The following SIAH3 variants were observed in gnomAD, a reference collection of about 807,000 sequenced individuals.
SIAH3 encodes siah E3 ubiquitin protein ligase family member 3, also known as seven in absentia homolog 3.
SIAH3 carries 9 observed loss-of-function variants against 12.6 expected under a neutral mutation model. That is an observed-to-expected ratio of 0.72 (90% CI 0.43 to 1.25). The LOEUF is 1.25. Among genes scored for constraint, SIAH3 ranks in the 50% most tolerant of loss-of-function variants. SIAH3 has a pLI of 0.00. For synonymous variants in SIAH3, 154 were observed against 151.1 expected, an observed-to-expected ratio of 1.02 and a Z score of -0.14; for missense variants, 390 against 365.4, an observed-to-expected ratio of 1.07 and a Z score of -0.55.
At chr13:45,796,478 A>C (rs1950563138) in intron 1 of SIAH3, among the ~76,000 whole-genome samples, 1 of 152,190 alleles carries the variant, frequency 6.6e-6, no homozygotes, top group African/African-American at 2.4e-5. Flanking sequence ...GATGAGAGTC[A>C]GATCAGGGAC....
chr13:45,820,618 G>A (rs1254096377), intron 1 of SIAH3, among the ~76,000 whole-genome samples: 1 of 152,172 alleles, frequency 6.6e-6, no homozygotes, highest in East Asian at 1.9e-4. Flanking sequence ...CTATTGAACA[G>A]CAGCATTCCC....
In SIAH3 at chr13:45,777,562, A is replaced by G. The variant is rs1245337389; in HGVS notation, c.*5821T>C. The G allele has an allele frequency of 6.6e-6, 1 of 152,126 alleles. No individual in the cohort carries two copies. Among genetic ancestry groups the G allele is most frequent in the Non-Finnish European group, 1.5e-5 (1 of 68,014 alleles). 9.4% of individuals were successfully genotyped at this position (152,126 alleles called of 1,614,324 possible). ...TGATGACCTGATTTGGGGGGAAATT[A>G]ATGTTTATCTACACTAGATCTCTCA... On this transcript the variant is annotated 3_prime_UTR_variant, in exon 2 of 2. Transcript: ENST00000400405.
chr13:45,833,495 A>G (rs558459125), intron 1 of SIAH3, among the ~76,000 whole-genome samples: 4 of 151,636 alleles, frequency 2.6e-5, no homozygotes, highest in East Asian at 1.9e-4. Context: ...ACACACACGC[A>G]CACACACACA....
intron 1 of SIAH3, among the ~76,000 whole-genome samples, chr13:45,817,411 C>A (rs1019815875): frequency 6.6e-6 from 1 of 152,160 alleles, no homozygotes; most frequent in Non-Finnish European, 1.5e-5. Flanking sequence ...ATGAAATTGC[C>A]TACTGATGCA....
intron 1 of SIAH3, among the ~76,000 whole-genome samples, chr13:45,788,497 G>A (rs141549468): frequency 6.6e-6 from 1 of 152,160 alleles, no homozygotes; most frequent in African/African-American, 2.4e-5. Context: ...AGAATAATGC[G>A]CAAAATTGGG....
intron 1 of SIAH3, among the ~76,000 whole-genome samples, chr13:45,791,999 C>T (rs1950547072): frequency 6.6e-6 from 1 of 152,188 alleles, no homozygotes; most frequent in African/African-American, 2.4e-5. Flanking sequence ...GCTGTCCCTA[C>T]CCATGAGATG....
At chr13:45,840,889 C>T (rs893762776) in intron 1 of SIAH3, among the ~76,000 whole-genome samples, 1 of 152,176 alleles carries the variant, frequency 6.6e-6, no homozygotes, top group African/African-American at 2.4e-5. Context: ...AGCTGGGTGA[C>T]ATTGAGTAAG....
At chr13:45,804,963 A>AAC (rs56315825) in intron 1 of SIAH3, among the ~76,000 whole-genome samples, 10,924 of 135,794 alleles carry the variant, frequency 0.08, 501 homozygotes, top group East Asian at 0.19. Flanking sequence ...TCCCATTTAT[A>AAC]ACACACACAC....
intron 1 of SIAH3, among the ~76,000 whole-genome samples, chr13:45,806,197 C>T (rs181291542): frequency 6.6e-6 from 1 of 152,198 alleles, no homozygotes; most frequent in Non-Finnish European, 1.5e-5. Context: ...ACCATTTGAC[C>T]CAGCAATTCC....
chr13:45,797,944 A>G (rs993937519), intron 1 of SIAH3, among the ~76,000 whole-genome samples: 12 of 152,166 alleles, frequency 7.9e-5, no homozygotes, highest in Non-Finnish European at 1.8e-4. Flanking sequence ...GGGCTGCCCT[A>G]TTCCAGGGAG....
At chr13:45,795,744 A>T (rs2117781) in intron 1 of SIAH3, among the ~76,000 whole-genome samples, 3 of 151,930 alleles carry the variant, frequency 2.0e-5, no homozygotes, top group Non-Finnish European at 4.4e-5. Flanking sequence ...ATACCTGACA[A>T]ATATGAGCAT....
In SIAH3 at chr13:45,783,288, A is replaced by T; in HGVS notation, c.*95T>A. 3 of 793,542 alleles carry T rather than the reference A, an allele frequency of 3.8e-6. No homozygotes were observed. The highest frequency in any genetic ancestry group is 3.6e-6 in the Non-Finnish European group (2 of 550,264). The allele number at this position is 793,542 out of a possible 1,614,324, so 49.2% of individuals were successfully genotyped here. On this transcript the variant is annotated 3_prime_UTR_variant, in exon 2 of 2. Coordinates refer to ENST00000400405, the MANE Select transcript of SIAH3 (RefSeq NM_198849.3). ...TAAAAATTAAAAAAAAAAAAAAGAA[A>T]GGAGAAGAATAAAAAGGAGTCTGGA...
At chr13:45,801,621 T>C (rs563888508) in intron 1 of SIAH3, among the ~76,000 whole-genome samples, 1 of 152,334 alleles carries the variant, frequency 6.6e-6, no homozygotes, top group South Asian at 2.1e-4. Context: ...GTATACAGCC[T>C]TTCACACAGC....
At chr13:45,816,035 T>C (rs1385371573) in intron 1 of SIAH3, among the ~76,000 whole-genome samples, 1 of 152,062 alleles carries the variant, frequency 6.6e-6, no homozygotes, top group Non-Finnish European at 1.5e-5. Context: ...ATTCTAGAGG[T>C]GAGGAAACCG....
In SIAH3 at chr13:45,783,735, G is replaced by A. The variant is rs764881352; in HGVS notation, c.458C>T (p.Pro153Leu). ...FLATDMHLPA[P>L]ADWIIMHSCL... ...GGAGTGCATGATGATCCAATCAGCC[G>A]GCGCGGGGAGGTGCATGTCCGTGGC... The change falls in exon 2 of 2, where the codon CCG (proline) becomes CTG (leucine). Residue 153 changes from proline to leucine, a missense_variant. Coordinates refer to ENST00000400405, the MANE Select transcript of SIAH3 (RefSeq NM_198849.3). 6.2e-6 allele frequency: 10 copies of A among 1,614,076 alleles called. No individual in the cohort carries two copies. The highest frequency in any genetic ancestry group is 1.1e-5 in the South Asian group (1 of 91,094).
intron 1 of SIAH3, among the ~76,000 whole-genome samples, chr13:45,818,534 C>T (rs1428030453): frequency 4.6e-5 from 7 of 152,184 alleles, no homozygotes; most frequent in African/African-American, 1.2e-4. Context: ...AGCAGAACTG[C>T]GCTCCCTCCG....
intron 1 of SIAH3, among the ~76,000 whole-genome samples, chr13:45,851,116 T>C (rs763591472): frequency 6.7e-6 from 1 of 149,858 alleles, no homozygotes; most frequent in Non-Finnish European, 1.5e-5. Context: ...CAGAGAGAAT[T>C]TGGCTAACTT....
intron 1 of SIAH3, among the ~76,000 whole-genome samples, chr13:45,844,269 TGTGA>T (rs1281788383): frequency 1.3e-5 from 2 of 152,184 alleles, no homozygotes; most frequent in Non-Finnish European, 2.9e-5. Context: ...GAGGTTAGTG[TGTGA>T]GTATGAGTGG....
Position 45,778,019 on chromosome 13 carries a change from G to C in SIAH3, c.*5364C>G, listed in dbSNP as rs961740163. On this transcript the variant is annotated 3_prime_UTR_variant, in exon 2 of 2. Transcript: ENST00000400405. Reference sequence around the variant, plus strand: ...GGGTAGGCTATGGATTGTGAACAGGGTCCTTACTGGGTTGCAAAAAAGTGA... The same window carrying C: ...GGGTAGGCTATGGATTGTGAACAGGCTCCTTACTGGGTTGCAAAAAAGTGA... 3.9e-4 allele frequency: 59 copies of C among 152,166 alleles called. No individual in the cohort carries two copies. Among genetic ancestry groups the C allele is most frequent in the African/African-American group, 1.4e-3 (57 of 41,436 alleles). 9.4% of individuals were successfully genotyped at this position (152,166 alleles called of 1,614,324 possible). A position where few individuals can be genotyped will look rare whatever the true frequency, so the allele number is the denominator to read the frequency against.
Sources: allele counts gnomAD v4.1 joint callset (sites outside exome capture counted in the v4.1 genomes callset), GRCh38; gene constraint gnomAD v4.1.1; transcripts MANE v1.5; gene names NCBI Gene and HGNC (gene_info 2026-07-23, HGNC 2026-07-21).